Variants in INPP5F observed in about 807,000 individuals in gnomAD.
INPP5F encodes phosphatidylinositide 4-phosphatase SAC2.
INPP5F carries 97 observed loss-of-function variants against 137.2 expected under a neutral mutation model. The ratio of observed to expected loss-of-function variants is 0.71; its 90% CI spans 0.60 to 0.84. INPP5F has a LOEUF of 0.84. INPP5F is among the 40% of genes least tolerant of loss of function. INPP5F has a pLI of 0.00. For synonymous variants in INPP5F, 504 were observed against 476.9 expected (o/e 1.06, Z -0.74); for missense variants, 1,271 against 1,371.9 (o/e 0.93, Z 1.16).
rs982257060 is a variant in INPP5F, at chr10:119,787,577, CAAAG to C, written c.316-3937_316-3934del. Among the ~76,000 whole-genome samples, 3 of 130,362 alleles carry C rather than the reference CAAAG, an allele frequency of 2.3e-5. No individual in the cohort carries two copies. Among genetic ancestry groups the C allele is most frequent in the Non-Finnish European group, 4.7e-5 (3 of 63,980 alleles). The allele number at this position is 130,362 out of a possible 152,430, so 85.5% of individuals were successfully genotyped here. A position where few individuals can be genotyped will look rare whatever the true frequency, so the allele number is the denominator to read the frequency against. ...TGGGTGACAGAGTGCGACTCTGTCT[CAAAG>C]AAGGAAAGAAGGAAGGAAGGAAAGG... On this transcript the variant is annotated intron_variant, in intron 3 of 19. Transcript: ENST00000650623. The surrounding 1 kb of genome is among the most constrained non-coding windows in gnomAD (Gnocchi z 4.1).
intron 6 of INPP5F, among the ~76,000 whole-genome samples, chr10:119,792,577 T>G (rs1256020091): frequency 1.3e-5 from 2 of 151,610 alleles, no homozygotes; most frequent in East Asian, 1.9e-4. Context: ...GTTTTTTTTT[T>G]TTTTTTTTTT....
intron 6 of INPP5F, among the ~76,000 whole-genome samples, chr10:119,794,676 G>T (rs539452296): frequency 0.038 from 5,669 of 147,438 alleles, 188 homozygotes; most frequent in South Asian, 0.21. Flanking sequence ...TCCCGGACGG[G>T]GCGGCTGGCC....
At chr10:119,758,122 T>C (rs1256512617) in intron 2 of INPP5F, among the ~76,000 whole-genome samples, 1 of 152,216 alleles carries the variant, frequency 6.6e-6, no homozygotes. Flanking sequence ...GAGTGATAGA[T>C]GTTAATTACT....
At position 119,827,538 on chromosome 10, in the gene INPP5F, C is replaced by A. The variant is rs749430502; in HGVS notation, c.3157C>A (p.Leu1053Ile). The A allele has an allele frequency of 2.5e-6, 4 of 1,614,126 alleles. No homozygotes were observed. The South Asian group carries it at 3.3e-5, about 13-fold the overall frequency. Residue 1053 changes from leucine to isoleucine, a missense_variant, in exon 20 of 20, where the codon CTT becomes ATT. Leu to Ile is a conservative substitution (Grantham distance 5). This residue lies in a region of INPP5F where 490 missense variants were observed against 443.7 expected (regional missense o/e 1.10). Transcript: ENST00000650623. ...CAGCATGCTTGAACTTGAGACAGGG[C>A]TTCATGTAACTCCTTCTCCTTCAGA... ...ASSMLELETGLHVTPSPSESS... is the reference protein window; with the variant it reads ...ASSMLELETGIHVTPSPSESS...
At chr10:119,794,783 C>A (rs1850280548) in intron 6 of INPP5F, among the ~76,000 whole-genome samples, 1 of 132,344 alleles carries the variant, frequency 7.6e-6, no homozygotes, top group South Asian at 2.9e-4. Flanking sequence ...GGGCGGCTGG[C>A]CGGGCGGGGG....
chr10:119,778,069 C>G (rs986809429), intron 2 of INPP5F, among the ~76,000 whole-genome samples: 3 of 151,976 alleles, frequency 2.0e-5, no homozygotes, highest in African/African-American at 7.3e-5. Context: ...TTCAGTGGTG[C>G]CGTCTCGGCT....
At chr10:119,822,602 C>A in intron 17 of INPP5F, 98 bp downstream of exon 17, 1 of 586,628 alleles carries the variant, frequency 1.7e-6, no homozygotes, top group Non-Finnish European at 3.0e-6. Flanking sequence ...TAAGTTTCAC[C>A]TACAAATGCT....
chr10:119,782,791 C>T (rs1849751797), intron 3 of INPP5F, among the ~76,000 whole-genome samples: 1 of 152,158 alleles, frequency 6.6e-6, no homozygotes, highest in South Asian at 2.1e-4. Flanking sequence ...CTATATAATT[C>T]TGCTGAGCTG....
intron 2 of INPP5F, among the ~76,000 whole-genome samples, chr10:119,779,340 T>A (rs567951531): frequency 6.6e-6 from 1 of 152,298 alleles, no homozygotes; most frequent in South Asian, 2.1e-4. Flanking sequence ...TACACTACTA[T>A]AGACTTTATA....
chr10:119,750,856 G>A (rs576868114), intron 1 of INPP5F, among the ~76,000 whole-genome samples: 14 of 152,266 alleles, frequency 9.2e-5, no homozygotes, highest in Admixed American at 3.9e-4. Context: ...GAATGTTACT[G>A]CTTTCCCCTT....
intron 2 of INPP5F, among the ~76,000 whole-genome samples, chr10:119,762,649 A>AAAGT (rs1849042389): frequency 6.6e-6 from 1 of 152,242 alleles, no homozygotes; most frequent in Non-Finnish European, 1.5e-5. Context: ...GAGATGATTT[A>AAAGT]AAGTATACAG....
At chr10:119,778,675 C>T (rs888119852) in intron 2 of INPP5F, among the ~76,000 whole-genome samples, 2 of 152,094 alleles carry the variant, frequency 1.3e-5, no homozygotes, top group African/African-American at 4.8e-5. Context: ...GGAGAATTAC[C>T]AACCCATACT....
At chr10:119,736,214 T>C (rs1848211774) in intron 1 of INPP5F, among the ~76,000 whole-genome samples, 2 of 152,220 alleles carry the variant, frequency 1.3e-5, no homozygotes, top group African/African-American at 4.8e-5. Flanking sequence ...TATGAATGCA[T>C]CACCCAAGGA....
At chr10:119,759,946 G>GT (rs897548411) in intron 2 of INPP5F, among the ~76,000 whole-genome samples, 34 of 152,022 alleles carry the variant, frequency 2.2e-4, no homozygotes, top group Non-Finnish European at 7.4e-5. Context: ...CACCTCCCTT[G>GT]TTCCTAGTCT....
chr10:119,771,876 ATATATATTTTTTTTTTTTTTTTT>A (rs1849366780), intron 2 of INPP5F, among the ~76,000 whole-genome samples: 1 of 20,928 alleles, frequency 4.8e-5, no homozygotes, highest in South Asian at 3.2e-3. Context: ...ATATATATAT[ATATATATTTTTTTTTTTTTTTTT>A]TTTTTTTTTT....
At position 119,810,082 on chromosome 10, in the gene INPP5F, T is replaced by C. The variant is rs370624644; in HGVS notation, c.1570-18T>C. ...CTTGTGTTTAAATAAGATGTCAAAA[T>C]CAGTTTTTGTTTGACAGGGTGACTT... is the stretch of plus-strand genomic sequence containing the variant. On this transcript the variant is annotated intron_variant, in intron 13 of 19. Transcript: ENST00000650623. 2.1e-6 allele frequency: 3 copies of C among 1,433,804 alleles called. No individual in the cohort carries two copies. 88.8% of individuals were successfully genotyped at this position (1,433,804 alleles called of 1,614,324 possible).
chr10:119,772,117 C>G (rs1279732900), intron 2 of INPP5F, among the ~76,000 whole-genome samples: 1 of 151,558 alleles, frequency 6.6e-6, no homozygotes, highest in Admixed American at 6.6e-5. Flanking sequence ...CCAGGATGGT[C>G]TGGATCTCCT....
chr10:119,789,358 A>ACTGATATTTTG (rs1850048771), intron 3 of INPP5F, among the ~76,000 whole-genome samples: 2 of 152,162 alleles, frequency 1.3e-5, no homozygotes, highest in Non-Finnish European at 2.9e-5. Flanking sequence ...ATGACTAATC[A>ACTGATATTTTG]CTGATATTTT....
chr10:119,812,179 G>A (rs922434048), intron 15 of INPP5F, among the ~76,000 whole-genome samples: 1 of 152,208 alleles, frequency 6.6e-6, no homozygotes, highest in Admixed American at 6.5e-5. Flanking sequence ...TTTTAGTGCA[G>A]TATTTGATTA....
Sources: allele counts gnomAD v4.1 joint callset (sites outside exome capture counted in the v4.1 genomes callset), GRCh38; gene constraint gnomAD v4.1.1; regional missense constraint gnomAD v4.1.1; non-coding constraint Gnocchi (gnomAD v3.1); transcripts MANE v1.5; gene names NCBI Gene and HGNC (gene_info 2026-07-23, HGNC 2026-07-21).